The following NTM variants were observed in gnomAD, a reference collection of about 807,000 sequenced individuals.
The protein encoded by NTM is IgLON family member 2.
NTM carries 13 observed loss-of-function variants against 42.1 expected under a neutral mutation model. The ratio of observed to expected loss-of-function variants is 0.31; its 90% CI spans 0.20 to 0.49. NTM has a LOEUF of 0.49. NTM is among the 20% of genes least tolerant of loss of function. NTM has a pLI of 0.99. For missense variants in NTM, 373 were observed against 452.8 expected, an observed-to-expected ratio of 0.82 and a Z score of 1.60; for synonymous variants, 187 against 179.2, an observed-to-expected ratio of 1.04 and a Z score of -0.35.
intron 1 of NTM, among the ~76,000 whole-genome samples, chr11:131,894,252 A>T (rs2051868577): frequency 6.6e-6 from 1 of 152,146 alleles, no homozygotes; most frequent in African/African-American, 2.4e-5. Flanking sequence ...TGCTGTCCCC[A>T]CCTCTCCATG....
At chr11:131,514,606 G>A (rs955189432) in intron 1 of NTM, among the ~76,000 whole-genome samples, 1 of 151,920 alleles carries the variant, frequency 6.6e-6, no homozygotes, top group African/African-American at 2.4e-5. Context: ...TTGAGACAGG[G>A]TCTCACTCTT....
chr11:132,234,622 G>T (rs74884785), intron 4 of NTM, among the ~76,000 whole-genome samples: 1 of 151,978 alleles, frequency 6.6e-6, no homozygotes, highest in Non-Finnish European at 1.5e-5. Flanking sequence ...CCGTAATTAC[G>T]ATTTCATAAT....
At chr11:131,815,512 C>T (rs552970603) in intron 1 of NTM, among the ~76,000 whole-genome samples, 4 of 152,160 alleles carry the variant, frequency 2.6e-5, no homozygotes, top group African/African-American at 9.7e-5. Flanking sequence ...TGGTAGAGCT[C>T]TTAAAGAATT....
At chr11:132,282,690 A>C (rs935489533) in intron 4 of NTM, among the ~76,000 whole-genome samples, 1 of 152,226 alleles carries the variant, frequency 6.6e-6, no homozygotes, top group African/African-American at 2.4e-5. Flanking sequence ...TGTCAAGAGT[A>C]GAAAGAGGAA....
intron 4 of NTM, among the ~76,000 whole-genome samples, chr11:132,291,013 G>A (rs549074405): frequency 3.5e-4 from 53 of 152,224 alleles, no homozygotes; most frequent in Middle Eastern, 3.4e-3. Context: ...GGAAATAGAG[G>A]CATTAGATCA....
chr11:132,022,549 AAG>A (rs1351039805), intron 2 of NTM, among the ~76,000 whole-genome samples: 2 of 146,626 alleles, frequency 1.4e-5, no homozygotes, highest in African/African-American at 2.4e-5. Context: ...GTGCTCAACT[AAG>A]AGCCCTCTAA....
chr11:131,817,580 C>T (rs1024580384), intron 1 of NTM, among the ~76,000 whole-genome samples: 13 of 152,260 alleles, frequency 8.5e-5, no homozygotes, highest in African/African-American at 1.2e-4. Flanking sequence ...TTATTGGTGG[C>T]GGGGAGAGCC....
At chr11:131,808,655 A>C (rs918436410) in intron 1 of NTM, among the ~76,000 whole-genome samples, 1 of 152,228 alleles carries the variant, frequency 6.6e-6, no homozygotes, top group African/African-American at 2.4e-5. Flanking sequence ...CTGGTGTCTC[A>C]GGGTGAGTCA....
chr11:131,925,557 T>C (rs1315335581), intron 2 of NTM, among the ~76,000 whole-genome samples: 1 of 152,000 alleles, frequency 6.6e-6, no homozygotes, highest in Non-Finnish European at 1.5e-5. Context: ...AGCTGATTTT[T>C]GTATTTTTTT....
intron 2 of NTM, among the ~76,000 whole-genome samples, chr11:132,105,375 A>C (rs2136645650): frequency 6.6e-6 from 1 of 152,300 alleles, no homozygotes; most frequent in Non-Finnish European, 1.5e-5. Context: ...TAGTACTGTT[A>C]GCTCAGAAAA....
intron 3 of NTM, among the ~76,000 whole-genome samples, chr11:132,196,814 C>T (rs2080297713): frequency 6.6e-6 from 1 of 152,074 alleles, no homozygotes; most frequent in African/African-American, 2.4e-5. Context: ...GAAAAACTAC[C>T]TATTGGTTGC....
At chr11:132,242,060 G>T (rs1458745513) in intron 4 of NTM, among the ~76,000 whole-genome samples, 1 of 152,182 alleles carries the variant, frequency 6.6e-6, no homozygotes, top group African/African-American at 2.4e-5. Context: ...GATTGTGGTT[G>T]TTTGATGCCA....
intron 2 of NTM, among the ~76,000 whole-genome samples, chr11:132,134,464 T>C (rs1232608669): frequency 2.0e-5 from 3 of 151,934 alleles, no homozygotes; most frequent in African/African-American, 7.2e-5. Flanking sequence ...TGTTGTCTTT[T>C]ATCCGTTGCC....
At chr11:132,205,371 A>G (rs1186974273) in intron 3 of NTM, among the ~76,000 whole-genome samples, 1 of 152,242 alleles carries the variant, frequency 6.6e-6, no homozygotes, top group Non-Finnish European at 1.5e-5. Flanking sequence ...TGACATAATT[A>G]TTAAAACTCA....
chr11:131,652,201 C>G (rs544726496), intron 1 of NTM, among the ~76,000 whole-genome samples: 7 of 152,166 alleles, frequency 4.6e-5, no homozygotes, highest in African/African-American at 1.4e-4. Flanking sequence ...CTGTGAGGAT[C>G]AAAGAGCCTA....
At chr11:132,083,232 T>C (rs1171257986) in intron 2 of NTM, among the ~76,000 whole-genome samples, 1 of 152,162 alleles carries the variant, frequency 6.6e-6, no homozygotes, top group Admixed American at 6.5e-5. Flanking sequence ...AATGAATGAG[T>C]CTAGAATTTA....
intron 2 of NTM, among the ~76,000 whole-genome samples, chr11:131,924,585 T>C (rs2138315054): frequency 6.6e-6 from 1 of 152,292 alleles, no homozygotes; most frequent in African/African-American, 2.4e-5. Context: ...TGAAATTCTT[T>C]ATGTTCTTTC....
Position 132,054,310 on chromosome 11 carries a change from G to A in NTM, c.168-91972G>A, listed in dbSNP as rs1047918538. On this transcript the variant is annotated intron_variant, in intron 2 of 8. Transcript: ENST00000683400. ...CTGAGATTTGCTATATAGCCAAGCT[G>A]TGTGGACTCCACAGGAGACTCAGGA... Among the ~76,000 whole-genome samples the A allele has an allele frequency of 2.7e-5, 4 of 148,892 alleles. No homozygotes were observed. The East Asian group carries it at 7.8e-4, about 29-fold the overall frequency.
chr11:131,729,692 C>T (rs1027794233), intron 1 of NTM, among the ~76,000 whole-genome samples: 1 of 152,098 alleles, frequency 6.6e-6, no homozygotes, highest in South Asian at 2.1e-4. Flanking sequence ...CAATATGTGG[C>T]CTTTTGTTTC....
Sources: gnomAD v4.1 joint callset for allele counts (sites outside exome capture counted in the v4.1 genomes callset) on GRCh38, gnomAD v4.1.1 for gene constraint, MANE v1.5 for transcripts, NCBI Gene and HGNC (gene_info 2026-07-23, HGNC 2026-07-21) for gene names.